The following WARS2 variants were observed in gnomAD, a reference collection of about 807,000 sequenced individuals.
WARS2 encodes the protein tryptophan--tRNA ligase, mitochondrial.
WARS2 carries 28 observed loss-of-function variants against 36.5 expected under a neutral mutation model. The observed-to-expected ratio is 0.77, with a 90% CI of 0.57 to 1.05. The LOEUF (loss-of-function observed/expected upper bound fraction) is 1.05, where lower values mean the gene tolerates loss of function less well. WARS2 is among the 50% of genes least tolerant of loss of function. The probability of loss-of-function intolerance (pLI) is 0.00; values close to 1 mark genes in which losing one functional copy is unlikely to be tolerated. For missense variants in WARS2, 435 were observed against 456.8 expected (o/e 0.95, Z 0.44); for synonymous variants, 174 against 178.4 (o/e 0.98, Z 0.20).
At chr1:119,119,914 G>A (rs1345734214) in intron 1 of WARS2, among the ~76,000 whole-genome samples, 8 of 152,090 alleles carry the variant, frequency 5.3e-5, no homozygotes, top group Admixed American at 3.9e-4. Context: ...AGCAAAAGCA[G>A]TGCTAAGAGA....
At chr1:119,138,662 TG>T (rs1235111143) in intron 1 of WARS2, among the ~76,000 whole-genome samples, 4 of 152,324 alleles carry the variant, frequency 2.6e-5, no homozygotes, top group Admixed American at 2.6e-4. Flanking sequence ...AACACAATTT[TG>T]TATCTTTTCT....
At chr1:119,122,018 C>G (rs954501885) in intron 1 of WARS2, among the ~76,000 whole-genome samples, 1 of 152,020 alleles carries the variant, frequency 6.6e-6, no homozygotes, top group Non-Finnish European at 1.5e-5. Context: ...AAAGCAAATG[C>G]AATGAAAACC....
intron 2 of WARS2, among the ~76,000 whole-genome samples, chr1:119,067,346 T>C (rs1166356404): frequency 1.3e-5 from 2 of 152,226 alleles, no homozygotes; most frequent in Admixed American, 6.5e-5. Flanking sequence ...GTTTCTATTA[T>C]ACTTGTAATG....
intron 2 of WARS2, among the ~76,000 whole-genome samples, chr1:119,067,811 A>ATTT (rs57828460): frequency 6.1e-5 from 9 of 146,496 alleles, no homozygotes; most frequent in South Asian, 4.3e-4. Context: ...CAAAGCCTCT[A>ATTT]TTTTTTTTTT....
chr1:119,130,985 G>A (rs771383711), intron 1 of WARS2, among the ~76,000 whole-genome samples: 7 of 152,012 alleles, frequency 4.6e-5, no homozygotes, highest in African/African-American at 1.2e-4. Flanking sequence ...TTCTGCTGAG[G>A]TATTCACAAA....
chr1:119,132,025 A>T (rs10923756), intron 1 of WARS2, among the ~76,000 whole-genome samples: 42,840 of 151,778 alleles, frequency 0.28, 6,469 homozygotes, highest in African/African-American at 0.38. Flanking sequence ...AGCAGGGAGG[A>T]CCTACCAGGT....
rs115130875 is a variant in WARS2 at position 119,048,659 on chromosome 1, C to T, written c.349-2997G>A. 4.2e-3 allele frequency among the ~76,000 whole-genome samples: 641 copies of T among 152,258 alleles called. 4 individuals are homozygous for T. Among genetic ancestry groups the T allele is most frequent in the African/African-American group, 0.015 (618 of 41,544 alleles). ...TGGTCTATGGCTAGGGCTCCACACG[C>T]GGACATGTGCCCATGGACCTAGACG... On this transcript the variant is annotated intron_variant, in intron 2 of 5. Transcript: ENST00000235521.
At chr1:119,090,844 A>G (rs1007692574) in intron 1 of WARS2, among the ~76,000 whole-genome samples, 1 of 152,162 alleles carries the variant, frequency 6.6e-6, no homozygotes, top group African/African-American at 2.4e-5. Context: ...GCAGTGAGCA[A>G]TGATTGTGCC....
chr1:119,059,480 G>A (rs1489470517), intron 2 of WARS2, among the ~76,000 whole-genome samples: 1 of 152,002 alleles, frequency 6.6e-6, no homozygotes, highest in East Asian at 1.9e-4. Flanking sequence ...ATTGATTTTT[G>A]TATAAGGTGT....
At chr1:119,070,459 G>A (rs1306478933) in intron 2 of WARS2, among the ~76,000 whole-genome samples, 1 of 152,024 alleles carries the variant, frequency 6.6e-6, no homozygotes, top group Admixed American at 6.5e-5. Context: ...TAGAGACAGG[G>A]TTTCACCTTG....
chr1:119,034,178 T>C lies in WARS2; in HGVS notation c.551A>G (p.Gln184Arg), dbSNP rs1447004855. 7 of 1,614,094 alleles carry C rather than the reference T, an allele frequency of 4.3e-6. No homozygotes were observed. Among genetic ancestry groups the C allele is most frequent in the Non-Finnish European group, 5.9e-6 (7 of 1,179,944 alleles). Reference sequence around the variant, plus strand: ...TAGATCCTGAACTAGTTCCATGTGCTGGACTTGATCCTCCCCAACAGGAAC... The same window carrying C: ...TAGATCCTGAACTAGTTCCATGTGCCGGACTTGATCCTCCCCAACAGGAAC... Reference protein sequence around the residue: ...THVPVGEDQVQHMELVQDLAQ... With the variant: ...THVPVGEDQVRHMELVQDLAQ... The change falls in exon 5 of 6, where the codon CAG (glutamine) becomes CGG (arginine). Residue 184 changes from glutamine (Q) to arginine (R), a missense_variant. Physicochemically the swap from Gln to Arg is conservative, Grantham distance 43. Transcript: ENST00000235521.
chr1:119,098,488 A>G (rs1653615945), intron 1 of WARS2, among the ~76,000 whole-genome samples: 2 of 152,164 alleles, frequency 1.3e-5, no homozygotes, highest in East Asian at 3.9e-4. Flanking sequence ...CCCAGGCTGG[A>G]GTGCAATGGC....
intron 2 of WARS2, among the ~76,000 whole-genome samples, chr1:119,075,570 T>C (rs1421529377): frequency 6.6e-6 from 1 of 152,206 alleles, no homozygotes; most frequent in African/African-American, 2.4e-5. Flanking sequence ...CAAGGAAGGT[T>C]GCATATATAC....
At chr1:119,036,201 CT>C (rs1379809298) in intron 4 of WARS2, among the ~76,000 whole-genome samples, 9 of 151,304 alleles carry the variant, frequency 5.9e-5, no homozygotes, top group Non-Finnish European at 1.0e-4. Flanking sequence ...GAGTGAAACT[CT>C]GCCTCGAAAA....
intron 1 of WARS2, among the ~76,000 whole-genome samples, chr1:119,132,770 T>C (rs1489169174): frequency 6.6e-6 from 1 of 152,148 alleles, no homozygotes; most frequent in East Asian, 1.9e-4. Context: ...CTGTTCAATA[T>C]TGCTAATTTT....
intron 1 of WARS2, among the ~76,000 whole-genome samples, chr1:119,097,965 G>A (rs1653564085): frequency 6.6e-6 from 1 of 152,072 alleles, no homozygotes; most frequent in Admixed American, 6.6e-5. Context: ...CCATCTTTCA[G>A]GTAACAATAC....
intron 1 of WARS2, among the ~76,000 whole-genome samples, chr1:119,121,048 A>C (rs1370223095): frequency 1.3e-5 from 2 of 152,172 alleles, no homozygotes. Context: ...TGGCCAGAGC[A>C]ATCAGACAAG....
intron 2 of WARS2, among the ~76,000 whole-genome samples, chr1:119,059,445 C>T (rs995223852): frequency 2.1e-4 from 30 of 143,252 alleles, no homozygotes; most frequent in Admixed American, 1.5e-3. Flanking sequence ...TTAGGTCTAA[C>T]GTTTAAGTCT....
chr1:119,037,794 C>A (rs1309270814), intron 4 of WARS2, among the ~76,000 whole-genome samples: 1 of 152,154 alleles, frequency 6.6e-6, no homozygotes, highest in Non-Finnish European at 1.5e-5. Context: ...ATCCCTGACA[C>A]CTCCCTCTCA....
Sources: allele counts gnomAD v4.1 joint callset (sites outside exome capture counted in the v4.1 genomes callset), GRCh38; gene constraint gnomAD v4.1.1; transcripts MANE v1.5; gene names NCBI Gene and HGNC (gene_info 2026-07-23, HGNC 2026-07-21).